Variants in SPAG16 observed in about 807,000 individuals in gnomAD.
SPAG16 encodes sperm associated antigen 16, also known as sperm-associated antigen 16 protein.
In SPAG16, 86 loss-of-function variants were observed where a neutral mutation model predicts 80.4. The observed-to-expected ratio is 1.07, with a 90% confidence interval of 0.90 to 1.28. SPAG16 has a LOEUF of 1.28. Among genes scored for constraint, SPAG16 ranks in the 50% most tolerant of loss-of-function variants. The pLI, the probability that SPAG16 is intolerant of heterozygous loss-of-function variation, is 0.00. For missense variants in SPAG16, 870 were observed against 765.3 expected (o/e 1.14, Z -1.61); for synonymous variants, 294 against 265.9 (o/e 1.11, Z -1.03).
chr2:213,353,692 G>A (rs137974302), intron 7 of SPAG16, among the ~76,000 whole-genome samples: 110 of 152,114 alleles, frequency 7.2e-4, no homozygotes, highest in South Asian at 2.3e-3. Flanking sequence ...CAGGCATCTC[G>A]TCCCTCAGGC....
At chr2:213,899,792 A>G (rs1328899997) in intron 11 of SPAG16, among the ~76,000 whole-genome samples, 1 of 152,126 alleles carries the variant, frequency 6.6e-6, no homozygotes, top group Non-Finnish European at 1.5e-5. Flanking sequence ...TTAATATTGA[A>G]TGCTTCTTCT....
At chr2:213,490,386 C>T (rs562357436) in intron 10 of SPAG16, among the ~76,000 whole-genome samples, 1 of 152,212 alleles carries the variant, frequency 6.6e-6, no homozygotes, top group African/African-American at 2.4e-5. Flanking sequence ...GATAGGATCT[C>T]AGCAACTATA....
In SPAG16 at chr2:214,187,872, G is replaced by T. The variant is rs144196117; in HGVS notation, c.1720+38606G>T. 2.8e-3 allele frequency among the ~76,000 whole-genome samples: 425 copies of T among 151,964 alleles called. 1 individual carries two copies. The highest frequency in any genetic ancestry group is 9.3e-3 in the African/African-American group (384 of 41,454). On this transcript the variant is annotated intron_variant, in intron 15 of 15. Coordinates refer to ENST00000331683, the MANE Select transcript of SPAG16 (RefSeq NM_024532.5). Reference sequence around the variant, plus strand: ...AATAGGCTCCAAACTTTCGGACAAAGTAGTACTTTGAGCTATTCTCTCTAG... The same window carrying T: ...AATAGGCTCCAAACTTTCGGACAAATTAGTACTTTGAGCTATTCTCTCTAG...
chr2:213,760,716 G>A (rs961071372), intron 10 of SPAG16, among the ~76,000 whole-genome samples: 2 of 152,120 alleles, frequency 1.3e-5, no homozygotes, highest in Non-Finnish European at 2.9e-5. Context: ...TAAGAAGATT[G>A]TCTTAGTTCA....
At chr2:214,274,087 GCTCT>G (rs1692257600) in intron 15 of SPAG16, among the ~76,000 whole-genome samples, 1 of 152,016 alleles carries the variant, frequency 6.6e-6, no homozygotes. Flanking sequence ...TCATGATTTG[GCTCT>G]CTGTTTGTCT....
intron 14 of SPAG16, among the ~76,000 whole-genome samples, chr2:214,142,020 T>C (rs1254914153): frequency 1.3e-5 from 2 of 152,146 alleles, no homozygotes; most frequent in East Asian, 1.9e-4. Flanking sequence ...AAAACATATA[T>C]TGGAATATGT....
At chr2:214,366,421 A>C (rs966745451) in intron 15 of SPAG16, among the ~76,000 whole-genome samples, 1 of 152,224 alleles carries the variant, frequency 6.6e-6, no homozygotes, top group African/African-American at 2.4e-5. Context: ...TTTGTAAAGC[A>C]TTACTCAGAC....
At chr2:214,320,022 G>A (rs1438256894) in intron 15 of SPAG16, among the ~76,000 whole-genome samples, 4 of 152,152 alleles carry the variant, frequency 2.6e-5, no homozygotes, top group Non-Finnish European at 5.9e-5. Context: ...TACAAGCTCA[G>A]GTGAAATCGT....
At chr2:214,084,933 A>G (rs933280429) in intron 13 of SPAG16, among the ~76,000 whole-genome samples, 2 of 152,204 alleles carry the variant, frequency 1.3e-5, no homozygotes, top group Non-Finnish European at 2.9e-5. Flanking sequence ...TAAACAAAGT[A>G]TGTGGTAAGT....
intron 13 of SPAG16, among the ~76,000 whole-genome samples, chr2:214,021,510 C>G (rs189158635): frequency 7.2e-5 from 11 of 152,228 alleles, no homozygotes; most frequent in Admixed American, 6.5e-4. Flanking sequence ...GAGAGCAGCA[C>G]AGAAAAGACC....
intron 10 of SPAG16, among the ~76,000 whole-genome samples, chr2:213,560,522 C>G (rs1559255471): frequency 6.6e-6 from 1 of 152,028 alleles, no homozygotes; most frequent in Non-Finnish European, 1.5e-5. Flanking sequence ...GTTCAAAATG[C>G]ATTGAAGAAG....
intron 10 of SPAG16, among the ~76,000 whole-genome samples, chr2:213,842,513 A>AT (rs1372102186): frequency 2.6e-5 from 4 of 152,108 alleles, no homozygotes; most frequent in South Asian, 2.1e-4. Context: ...TAAGAAGTGA[A>AT]TTTTTTTAAA....
Position 213,468,543 on chromosome 2 carries a change from A to G in SPAG16, c.943-21420A>G, listed in dbSNP as rs58953893. On this transcript the variant is annotated intron_variant, in intron 9 of 15. Coordinates refer to ENST00000331683, the MANE Select transcript of SPAG16 (RefSeq NM_024532.5). Reference sequence around the variant, plus strand: ...TATGTATTTATATATAGATATATATATATGTATTTATATATAGAGATATAT... The same window carrying G: ...TATGTATTTATATATAGATATATATGTATGTATTTATATATAGAGATATAT... Among the ~76,000 whole-genome samples, 65 of 122,812 alleles carry G rather than the reference A, an allele frequency of 5.3e-4. 1 individual carries two copies. 80.6% of individuals were successfully genotyped at this position (122,812 alleles called of 152,430 possible).
chr2:213,718,854 C>T (rs904110561), intron 10 of SPAG16, among the ~76,000 whole-genome samples: 2 of 152,212 alleles, frequency 1.3e-5, no homozygotes, highest in Non-Finnish European at 2.9e-5. Flanking sequence ...TCCCATCGAC[C>T]ACCCAAGGGC....
intron 13 of SPAG16, among the ~76,000 whole-genome samples, chr2:214,059,133 T>C (rs1031889935): frequency 2.7e-5 from 4 of 148,680 alleles, no homozygotes; most frequent in Non-Finnish European, 4.4e-5. Flanking sequence ...GCCAAGATCA[T>C]GCCACTGCAC....
chr2:213,408,919 G>T (rs1248742239), intron 9 of SPAG16, among the ~76,000 whole-genome samples: 4 of 152,110 alleles, frequency 2.6e-5, no homozygotes, highest in African/African-American at 9.7e-5. Context: ...AACGTAGCTT[G>T]CTAAAAGTTA....
At chr2:214,009,332 A>T (rs73987130) in intron 12 of SPAG16, among the ~76,000 whole-genome samples, 11,945 of 152,050 alleles carry the variant, frequency 0.079, 531 homozygotes, top group African/African-American at 0.11. Context: ...TCCGTATTTG[A>T]TAGTAAAAAG....
intron 10 of SPAG16, among the ~76,000 whole-genome samples, chr2:213,679,769 A>C (rs536191836): frequency 1.3e-5 from 2 of 152,166 alleles, no homozygotes; most frequent in Non-Finnish European, 2.9e-5. Flanking sequence ...TAAAGACTTT[A>C]AGTTTGATGT....
At chr2:214,348,288 T>A (rs1698187154) in intron 15 of SPAG16, among the ~76,000 whole-genome samples, 1 of 152,106 alleles carries the variant, frequency 6.6e-6, no homozygotes, top group Non-Finnish European at 1.5e-5. Context: ...GAAGGGAGTT[T>A]AAAAGGGATG....
Sources: allele counts gnomAD v4.1 joint callset (sites outside exome capture counted in the v4.1 genomes callset), GRCh38; gene constraint gnomAD v4.1.1; transcripts MANE v1.5; gene names NCBI Gene and HGNC (gene_info 2026-07-23, HGNC 2026-07-21).